The following RBFOX1 variants were observed in gnomAD, a reference collection of about 807,000 sequenced individuals.
The protein encoded by RBFOX1 is RNA binding protein fox-1 homolog 1.
A neutral mutation model predicts 57.7 loss-of-function variants in RBFOX1; 8 were observed. That is an observed-to-expected ratio of 0.14 (90% confidence interval 0.08 to 0.25). RBFOX1 has a LOEUF of 0.25. Among genes scored for constraint, RBFOX1 ranks in the 10% least tolerant of loss-of-function variants. RBFOX1 has a pLI of 1.00. For synonymous variants in RBFOX1, 326 were observed against 222.4 expected, an observed-to-expected ratio of 1.47 and a Z score of -4.15; for missense variants, 611 against 548.5, an observed-to-expected ratio of 1.11 and a Z score of -1.14.
Position 7,539,871 on chromosome 16 carries a change from G to T in RBFOX1, c.270+21482G>T, listed in dbSNP as rs183277484. Among the ~76,000 whole-genome samples the T allele has an allele frequency of 7.8e-4, 119 of 152,280 alleles. 1 individual carries two copies. The highest frequency in any genetic ancestry group is 6.7e-3 in the Admixed American group (102 of 15,296). On this transcript the variant is annotated intron_variant, in intron 5 of 15. Transcript: ENST00000550418. Reference sequence around the variant, plus strand: ...TGAGAAGAGACAAAAAGATAACTCCGTCCCCATACTGGCTTATTTCTCCTT... The same window carrying T: ...TGAGAAGAGACAAAAAGATAACTCCTTCCCCATACTGGCTTATTTCTCCTT...
intron 4 of RBFOX1, among the ~76,000 whole-genome samples, chr16:7,107,976 A>G (rs1032609309): frequency 4.0e-5 from 6 of 150,264 alleles, no homozygotes; most frequent in Non-Finnish European, 5.9e-5. Flanking sequence ...TGAAAAATGC[A>G]ATTGACCTAG....
At chr16:7,547,789 G>C (rs1343311730) in intron 5 of RBFOX1, among the ~76,000 whole-genome samples, 3 of 152,200 alleles carry the variant, frequency 2.0e-5, no homozygotes, top group Non-Finnish European at 1.5e-5. Context: ...TTCTGGGATG[G>C]GCTAGCATGA....
chr16:6,545,228 C>A (rs1338065095), intron 2 of RBFOX1, among the ~76,000 whole-genome samples: 1 of 152,306 alleles, frequency 6.6e-6, no homozygotes, highest in South Asian at 2.1e-4. Context: ...GCCTTCAGAT[C>A]CAATCTTTTT....
chr16:7,652,186 A>T (rs943620039), intron 11 of RBFOX1, among the ~76,000 whole-genome samples: 5 of 152,032 alleles, frequency 3.3e-5, no homozygotes. Flanking sequence ...AGAGTCAGAG[A>T]AGCCAACTGA....
intron 3 of RBFOX1, among the ~76,000 whole-genome samples, chr16:6,780,878 C>G (rs898695206): frequency 6.6e-6 from 1 of 151,938 alleles, no homozygotes; most frequent in African/African-American, 2.4e-5. Flanking sequence ...GAGCTCCTCA[C>G]ATGTTCTGGC....
chr16:6,290,876 G>C (rs1218002496), intron 1 of RBFOX1, among the ~76,000 whole-genome samples: 2 of 152,136 alleles, frequency 1.3e-5, no homozygotes, highest in African/African-American at 4.8e-5. Flanking sequence ...TTCAGGGTGA[G>C]TCTATAAAGT....
At chr16:5,335,423 C>G (rs931143782) in intron 1 of RBFOX1, among the ~76,000 whole-genome samples, 15 of 152,146 alleles carry the variant, frequency 9.9e-5, no homozygotes, top group Non-Finnish European at 1.5e-4. Flanking sequence ...CCGTCATCAG[C>G]GGGACTGGGG....
At chr16:6,994,845 G>A (rs941596995) in intron 3 of RBFOX1, among the ~76,000 whole-genome samples, 4 of 152,028 alleles carry the variant, frequency 2.6e-5, no homozygotes, top group African/African-American at 9.7e-5. Flanking sequence ...ACTTTTGATG[G>A]TAGACACAAG....
chr16:6,220,355 C>G (rs555581429), intron 1 of RBFOX1, among the ~76,000 whole-genome samples: 1 of 152,130 alleles, frequency 6.6e-6, no homozygotes, highest in South Asian at 2.1e-4. Flanking sequence ...CCCCTTTATT[C>G]TTTAAGACTC....
chr16:6,056,556 G>T (rs993795642), intron 1 of RBFOX1, among the ~76,000 whole-genome samples: 1 of 152,114 alleles, frequency 6.6e-6, no homozygotes, highest in Non-Finnish European at 1.5e-5. Flanking sequence ...TAATTGCCTG[G>T]CCTCATTCCT....
rs915957532 is a variant in RBFOX1, at chr16:5,430,498, G to A, written c.220-36718G>A. On this transcript the variant is annotated intron_variant, in intron 1 of 2. Coordinates refer to the RBFOX1 transcript ENST00000585867. ...GAGGCAGAGCCTGGGAGGCGTTGGGGTTGGGGAAGAGCACCCAGGAACGGA... is the reference window on the plus strand; with the variant it reads ...GAGGCAGAGCCTGGGAGGCGTTGGGATTGGGGAAGAGCACCCAGGAACGGA... Among the ~76,000 whole-genome samples, 20 of 152,138 alleles carry A rather than the reference G, an allele frequency of 1.3e-4. 1 individual carries two copies. The highest frequency in any genetic ancestry group is 5.9e-4 in the Admixed American group (9 of 15,282).
intron 1 of RBFOX1, among the ~76,000 whole-genome samples, chr16:6,143,926 G>A (rs1473120997): frequency 6.7e-6 from 1 of 149,912 alleles, no homozygotes; most frequent in African/African-American, 2.5e-5. Flanking sequence ...GTCCTCAGTA[G>A]CTGGGACTGC....
chr16:6,380,078 A>T (rs1400938569), intron 2 of RBFOX1, among the ~76,000 whole-genome samples: 3 of 152,108 alleles, frequency 2.0e-5, no homozygotes, highest in Non-Finnish European at 4.4e-5. Context: ...GGATTTGAAG[A>T]GAGTAGCATT....
intron 14 of RBFOX1, among the ~76,000 whole-genome samples, chr16:7,701,817 G>C (rs978479232): frequency 6.6e-6 from 1 of 152,222 alleles, no homozygotes; most frequent in Non-Finnish European, 1.5e-5. Context: ...GACCCTTGTA[G>C]AGTGAAAGTG....
intron 3 of RBFOX1, among the ~76,000 whole-genome samples, chr16:7,017,243 G>T (rs953940018): frequency 6.6e-6 from 1 of 152,166 alleles, no homozygotes; most frequent in African/African-American, 2.4e-5. Context: ...AACAAAATGT[G>T]CAGCCTCGGC....
At chr16:7,212,421 C>G (rs755923744) in intron 4 of RBFOX1, among the ~76,000 whole-genome samples, 6 of 152,136 alleles carry the variant, frequency 3.9e-5, no homozygotes, top group African/African-American at 4.8e-5. Flanking sequence ...CTCTTTCCCA[C>G]TATTTTAAAT....
At chr16:5,377,571 AAG>A (rs1491336172) in intron 1 of RBFOX1, among the ~76,000 whole-genome samples, 1 of 141,262 alleles carries the variant, frequency 7.1e-6, no homozygotes, top group African/African-American at 2.7e-5. Context: ...AAGGAAAGGA[AAG>A]AGAGGAGATG....
intron 3 of RBFOX1, among the ~76,000 whole-genome samples, chr16:5,773,118 A>G (rs2054034107): frequency 6.6e-6 from 1 of 152,212 alleles, no homozygotes; most frequent in Non-Finnish European, 1.5e-5. Flanking sequence ...TTTGAGCAGT[A>G]GACAGGTATG....
chr16:7,594,132 C>A (rs1019990253), intron 7 of RBFOX1, among the ~76,000 whole-genome samples: 2 of 151,998 alleles, frequency 1.3e-5, no homozygotes, highest in Admixed American at 6.6e-5. Context: ...CCCAGCCCCC[C>A]ACCCCGTGAC....
Sources: allele counts gnomAD v4.1 joint callset (sites outside exome capture counted in the v4.1 genomes callset), GRCh38; gene constraint gnomAD v4.1.1; transcripts MANE v1.5; gene names NCBI Gene and HGNC (gene_info 2026-07-23, HGNC 2026-07-21).